ASAP1: variants seen among roughly 807,000 people sequenced by gnomAD.
ASAP1 encodes ArfGAP with SH3 domain, ankyrin repeat and PH domain 1, also known as arf-GAP with SH3 domain, ANK repeat and PH domain-containing protein 1.
A neutral mutation model predicts 145.2 loss-of-function variants in ASAP1; 43 were observed. The observed-to-expected ratio is 0.30, with a 90% CI of 0.23 to 0.38. The LOEUF (loss-of-function observed/expected upper bound fraction) is 0.38, where lower values mean the gene tolerates loss of function less well. ASAP1 is among the 10% of genes least tolerant of loss of function. The pLI is 1.00. For synonymous variants in ASAP1, 546 were observed against 515.5 expected, an observed-to-expected ratio of 1.06 and a Z score of -0.80; for missense variants, 1,018 against 1,355.3, an observed-to-expected ratio of 0.75 and a Z score of 3.91.
chr8:130,104,543 T>C (rs961810167), intron 24 of ASAP1, among the ~76,000 whole-genome samples: 1 of 152,222 alleles, frequency 6.6e-6, no homozygotes, highest in African/African-American at 2.4e-5. Flanking sequence ...GACACAGCAA[T>C]AGGATGGACA....
rs188159749 is a variant in ASAP1 at position 130,285,924 on chromosome 8, A to T, written c.187-48930T>A. Reference sequence around the variant, plus strand: ...TAATGAGCCAAGGCTTTACTGGAACAGATATCATAAATAATTTGCTACCTG... The same window carrying T: ...TAATGAGCCAAGGCTTTACTGGAACTGATATCATAAATAATTTGCTACCTG... On this transcript the variant is annotated intron_variant, in intron 3 of 29. Coordinates refer to ENST00000518721, the MANE Select transcript of ASAP1 (RefSeq NM_018482.4). Among the ~76,000 whole-genome samples, 58 of 152,124 alleles carry T rather than the reference A, an allele frequency of 3.8e-4. No homozygotes were observed. The East Asian group carries it at 0.011, about 28-fold the overall frequency.
At chr8:130,063,154 C>G (rs1192648491) in intron 27 of ASAP1, among the ~76,000 whole-genome samples, 1 of 151,946 alleles carries the variant, frequency 6.6e-6, no homozygotes, top group Admixed American at 6.6e-5. Context: ...GGTGGTAAGA[C>G]TTCAGGTAGT....
chr8:130,085,219 A>G (rs2097489994), intron 25 of ASAP1, among the ~76,000 whole-genome samples: 1 of 152,200 alleles, frequency 6.6e-6, no homozygotes, highest in African/African-American at 2.4e-5. Context: ...GAACCTAACA[A>G]TTAGTTGTAT....
At chr8:130,383,008 T>C (rs1207370397) in intron 2 of ASAP1, among the ~76,000 whole-genome samples, 1 of 152,166 alleles carries the variant, frequency 6.6e-6, no homozygotes, top group Non-Finnish European at 1.5e-5. Flanking sequence ...GAGAACAGCA[T>C]GTGCAAAGGC....
chr8:130,197,934 G>C (rs567066119), intron 5 of ASAP1, among the ~76,000 whole-genome samples: 1 of 152,184 alleles, frequency 6.6e-6, no homozygotes, highest in South Asian at 2.1e-4. Context: ...ACTAGTGGGT[G>C]AAGTTTTCTT....
intron 4 of ASAP1, among the ~76,000 whole-genome samples, chr8:130,219,144 A>G (rs1586619503): frequency 6.6e-6 from 1 of 152,054 alleles, no homozygotes; most frequent in Admixed American, 6.5e-5. Context: ...TACTTACAAT[A>G]CAGAGCGATG....
intron 4 of ASAP1, among the ~76,000 whole-genome samples, chr8:130,221,504 TCCCTATAATTTACTG>T (rs1375114089): frequency 6.6e-6 from 1 of 152,186 alleles, no homozygotes; most frequent in Non-Finnish European, 1.5e-5. Context: ...ATATTTATCT[TCCCTATAATTTACTG>T]CCCTATAATT....
intron 3 of ASAP1, among the ~76,000 whole-genome samples, chr8:130,279,121 A>G (rs1821102274): frequency 6.6e-6 from 1 of 152,180 alleles, no homozygotes; most frequent in Non-Finnish European, 1.5e-5. Flanking sequence ...AAAATCTCCA[A>G]AATCAAGCCC....
chr8:130,364,758 A>T (rs902915576), intron 2 of ASAP1, among the ~76,000 whole-genome samples: 1 of 152,142 alleles, frequency 6.6e-6, no homozygotes, highest in Non-Finnish European at 1.5e-5. Context: ...ACTGGAGGAT[A>T]TTGGCACCAT....
intron 5 of ASAP1, among the ~76,000 whole-genome samples, chr8:130,207,716 G>A (rs1816316479): frequency 6.6e-6 from 1 of 152,074 alleles, no homozygotes; most frequent in African/African-American, 2.4e-5. Context: ...AAAAACAACA[G>A]CAATAGAATA....
intron 12 of ASAP1, among the ~76,000 whole-genome samples, chr8:130,153,609 C>T (rs2097652136): frequency 6.6e-6 from 1 of 151,746 alleles, no homozygotes; most frequent in Non-Finnish European, 1.5e-5. Flanking sequence ...CTCATGCAAT[C>T]TGCCCGCCTC....
chr8:130,293,431 C>T (rs550213944), intron 3 of ASAP1, among the ~76,000 whole-genome samples: 135 of 152,334 alleles, frequency 8.9e-4, no homozygotes, highest in Non-Finnish European at 1.5e-3. Flanking sequence ...ATCGCTCATG[C>T]CCCAGCAAAC....
At chr8:130,249,826 G>T (rs1343286217) in intron 3 of ASAP1, among the ~76,000 whole-genome samples, 1 of 152,034 alleles carries the variant, frequency 6.6e-6, no homozygotes, top group Non-Finnish European at 1.5e-5. Flanking sequence ...ACAGAAACTG[G>T]AACCTACCAT....
intron 25 of ASAP1, among the ~76,000 whole-genome samples, chr8:130,081,290 A>T (rs1013135369): frequency 2.6e-5 from 4 of 152,182 alleles, no homozygotes; most frequent in African/African-American, 9.7e-5. Flanking sequence ...ACAAGACAAT[A>T]AATGAGGGCT....
chr8:130,292,852 A>G (rs2137319070), intron 3 of ASAP1, among the ~76,000 whole-genome samples: 1 of 152,368 alleles, frequency 6.6e-6, no homozygotes, highest in South Asian at 2.1e-4. Flanking sequence ...TATTACCTGT[A>G]AAGCAGAGAT....
At chr8:130,132,525 T>A (rs145902473) in intron 15 of ASAP1, among the ~76,000 whole-genome samples, 1 of 152,258 alleles carries the variant, frequency 6.6e-6, no homozygotes, top group Non-Finnish European at 1.5e-5. Context: ...CTTACCTTCC[T>A]CTTGGAAGTC....
intron 3 of ASAP1, among the ~76,000 whole-genome samples, chr8:130,307,747 G>A (rs1279955142): frequency 6.6e-6 from 1 of 152,174 alleles, no homozygotes; most frequent in Non-Finnish European, 1.5e-5. Flanking sequence ...TTGCCAATGA[G>A]AAAACCAAAA....
In ASAP1 at chr8:130,076,377, G is replaced by C. The variant is rs1381742462; in HGVS notation, c.2672C>G (p.Pro891Arg). 1 of 1,611,850 alleles carries C rather than the reference G, an allele frequency of 6.2e-7. No homozygotes were observed. The highest frequency in any genetic ancestry group is 8.5e-7 in the Non-Finnish European group (1 of 1,179,254). The change falls in exon 27 of 30, where the codon CCA (proline) becomes CGA (arginine). Residue 891 changes from proline (P) to arginine (R), a missense_variant. Pro to Arg is a moderately radical substitution (Grantham distance 103). Coordinates refer to ENST00000518721, the MANE Select transcript of ASAP1 (RefSeq NM_018482.4). Reference sequence around the variant, plus strand: ...CTGAGGTAGTTTAGGAAGAACTCTTGGGCCAAGGGCAGTCTTTGCAGAACT... The same window carrying C: ...CTGAGGTAGTTTAGGAAGAACTCTTCGGCCAAGGGCAGTCTTTGCAGAACT... ...STSSAKTALG[P>R]RVLPKLPQKV...
chr8:130,401,904 T>G lies in ASAP1; in HGVS notation c.40A>C (p.Arg14=). The change falls in exon 2 of 30, where the codon AGA becomes CGA. Residue 14 remains arginine, a synonymous_variant. Transcript: ENST00000518721. ...ACTCACCGATTCCATAGTGAATCTC[T>G]CGACGAAAAACTGGAGAGCCTGGAG... The part of the protein sequence containing the change: ...SASRLSSFSS[R]DSLWNRMPDQ... 1.2e-6 allele frequency: 2 copies of G among 1,613,778 alleles called. No homozygotes were observed. Among genetic ancestry groups the G allele is most frequent in the Non-Finnish European group, 1.7e-6 (2 of 1,179,958 alleles).
Sources: gnomAD v4.1 joint callset for allele counts (sites outside exome capture counted in the v4.1 genomes callset) on GRCh38, gnomAD v4.1.1 for gene constraint, MANE v1.5 for transcripts, NCBI Gene and HGNC (gene_info 2026-07-23, HGNC 2026-07-21) for gene names.